Variants in CYFIP1 observed in about 807,000 individuals in gnomAD.
The protein encoded by CYFIP1 is cytoplasmic FMR1-interacting protein 1.
In CYFIP1, 58 loss-of-function variants were observed where a neutral mutation model predicts 163.5. The observed-to-expected ratio is 0.35, with a 90% CI of 0.29 to 0.44. CYFIP1 has a LOEUF of 0.44. Ranked by LOEUF, CYFIP1 falls within the 20% of genes least tolerant of loss-of-function variation. The pLI is 1.00. For missense variants in CYFIP1, 1,338 were observed against 1,653.8 expected (o/e 0.81, Z 3.31); for synonymous variants, 663 against 660.7 (o/e 1.00, Z -0.05).
chr15:22,951,236 TA>T, intron 1 of CYFIP1: 1 of 865,768 alleles, frequency 1.2e-6, no homozygotes, highest in Non-Finnish European at 1.4e-6. Context: ...CCCCGACACG[TA>T]AGGGAACGCC....
intron 8 of CYFIP1, 82 bp downstream of exon 8, chr15:22,939,110 G>A (rs968322405): frequency 2.6e-5 from 41 of 1,554,716 alleles, no homozygotes; most frequent in Middle Eastern, 2.1e-4. Flanking sequence ...CTGTCAAAAG[G>A]ATTCTAGATA....
rs974945194 is a variant in CYFIP1, at chr15:22,957,591, G to A, written c.-6-10300C>T. On this transcript the variant is annotated intron_variant, in intron 1 of 30. Coordinates refer to ENST00000617928, the MANE Select transcript of CYFIP1 (RefSeq NM_014608.6). ...GCGGAGCTTGCAGTGAGCCGAGATC[G>A]TGTCACTGCACTCCAGCCTGGGCGA... Among the ~76,000 whole-genome samples, 21 of 152,172 alleles carry A rather than the reference G, an allele frequency of 1.4e-4. 1 individual carries two copies. Among genetic ancestry groups the A allele is most frequent in the Non-Finnish European group, 2.6e-4 (18 of 68,032 alleles).
intron 13 of CYFIP1, among the ~76,000 whole-genome samples, chr15:22,920,459 C>T (rs2061137741): frequency 6.6e-6 from 1 of 152,100 alleles, no homozygotes; most frequent in Non-Finnish European, 1.5e-5. Flanking sequence ...TTTTGAGTTC[C>T]TCATTATGGC....
At chr15:22,880,780 G>A (rs1289471272) in intron 25 of CYFIP1, among the ~76,000 whole-genome samples, 9 of 152,090 alleles carry the variant, frequency 5.9e-5, no homozygotes, top group Non-Finnish European at 1.0e-4. Flanking sequence ...CCAGCGGCCC[G>A]ACACGGCCCC....
intron 1 of CYFIP1, among the ~76,000 whole-genome samples, chr15:22,949,817 T>C (rs569351409): frequency 5.9e-5 from 9 of 152,016 alleles, no homozygotes; most frequent in South Asian, 2.1e-4. Flanking sequence ...TTAATAAGCA[T>C]GGACTTCGAA....
At chr15:22,888,542 T>G (rs2059984922) in intron 23 of CYFIP1, among the ~76,000 whole-genome samples, 1 of 149,234 alleles carries the variant, frequency 6.7e-6, no homozygotes, top group Non-Finnish European at 1.5e-5. Flanking sequence ...GACCAGCCTG[T>G]GCAACATGGT....
chr15:22,943,057 C>G, intron 6 of CYFIP1, 116 bp downstream of exon 6: 5 of 942,490 alleles, frequency 5.3e-6, no homozygotes, highest in Non-Finnish European at 4.8e-6. Context: ...GACGTAGCTG[C>G]TGCCTACCAG....
chr15:22,958,159 C>T (rs1386275227), intron 1 of CYFIP1, among the ~76,000 whole-genome samples: 2 of 150,412 alleles, frequency 1.3e-5, no homozygotes, highest in Admixed American at 6.6e-5. Context: ...AATCTCGGCT[C>T]ACTGCAACCT....
At chr15:22,901,686 G>A (rs2060398598) in intron 22 of CYFIP1, among the ~76,000 whole-genome samples, 1 of 152,246 alleles carries the variant, frequency 6.6e-6, no homozygotes. Flanking sequence ...CTAACCGGAA[G>A]TTAGGCCAGG....
intron 1 of CYFIP1, among the ~76,000 whole-genome samples, chr15:22,971,708 A>G (rs2063103012): frequency 6.6e-6 from 1 of 151,974 alleles, no homozygotes; most frequent in Non-Finnish European, 1.5e-5. Flanking sequence ...AAAGAAAAGA[A>G]ATAAAATAAA....
intron 22 of CYFIP1, among the ~76,000 whole-genome samples, chr15:22,903,249 G>C (rs1167592257): frequency 6.6e-6 from 1 of 152,166 alleles, no homozygotes; most frequent in Non-Finnish European, 1.5e-5. Flanking sequence ...CCGCCACCCG[G>C]TGTGCGGAGC....
chr15:22,921,775 A>AG (rs1156393490), intron 13 of CYFIP1, among the ~76,000 whole-genome samples: 4 of 129,004 alleles, frequency 3.1e-5, no homozygotes, highest in Non-Finnish European at 6.9e-5. Context: ...AAAAAAAAAA[A>AG]AAAAAAAAAA....
At chr15:22,909,722 T>A (rs1048150103) in intron 20 of CYFIP1, among the ~76,000 whole-genome samples, 1 of 152,200 alleles carries the variant, frequency 6.6e-6, no homozygotes, top group African/African-American at 2.4e-5. Context: ...TTTTAATTTT[T>A]AATTTTTTTT....
At chr15:22,871,327 C>T (rs1010545682) in intron 30 of CYFIP1, among the ~76,000 whole-genome samples, 1 of 152,192 alleles carries the variant, frequency 6.6e-6, no homozygotes, top group African/African-American at 2.4e-5. Context: ...GGAAAAAGTT[C>T]AGTTAAGACA....
intron 26 of CYFIP1, among the ~76,000 whole-genome samples, chr15:22,876,734 G>A (rs1255554789): frequency 6.6e-6 from 1 of 151,998 alleles, no homozygotes; most frequent in African/African-American, 2.4e-5. Flanking sequence ...GGGAGACTGA[G>A]GCAGGAGAAT....
In CYFIP1 at chr15:22,917,196, G is replaced by A. The variant is rs1024994887; in HGVS notation, c.1675-566C>T. The A allele has an allele frequency of 1.0e-4, 143 of 1,422,054 alleles. No individual in the cohort carries two copies. Among genetic ancestry groups the A allele is most frequent in the Non-Finnish European group, 1.2e-4 (126 of 1,095,000 alleles). The allele number at this position is 1,422,054 out of a possible 1,614,324, so 88.1% of individuals were successfully genotyped here. A position where few individuals can be genotyped will look rare whatever the true frequency, so the allele number is the denominator to read the frequency against. On this transcript the variant is annotated intron_variant, in intron 15 of 30. Transcript: ENST00000617928. The surrounding 1 kb of genome is among the most constrained non-coding windows in gnomAD (Gnocchi z 4.2). ...CTGACCCTCCTGCAGAGCCAGCAGC[G>A]TGCATTGCTGGTGACTTTCCAGAAG...
chr15:22,939,556 TTAAAAAAAA>T lies in CYFIP1; in HGVS notation c.570-58_570-50del, dbSNP rs1251065853. The T allele has an allele frequency of 9.7e-4, 400 of 410,796 alleles. 3 individuals carry two copies. The highest frequency in any genetic ancestry group is 7.4e-3 in the African/African-American group (209 of 28,388). The allele number at this position is 410,796 out of a possible 1,614,324, so 25.4% of individuals were successfully genotyped here. A position where few individuals can be genotyped will look rare whatever the true frequency, so the allele number is the denominator to read the frequency against. On this transcript the variant is annotated intron_variant, in intron 6 of 30. Transcript: ENST00000617928. ...CCCAAAATGCACCAACGTGCCACATTTAAAAAAAAAAAAAAAAAAAAAAAAGCCTGGTTC... is the reference window on the plus strand; with the variant it reads ...CCCAAAATGCACCAACGTGCCACATTAAAAAAAAAAAAAAAAGCCTGGTTC...
intron 1 of CYFIP1, among the ~76,000 whole-genome samples, chr15:22,958,452 C>T (rs1036987963): frequency 6.6e-6 from 1 of 152,174 alleles, no homozygotes; most frequent in Non-Finnish European, 1.5e-5. Flanking sequence ...AAAGAACAGC[C>T]TCATCAACAG....
intron 3 of CYFIP1, chr15:22,946,685 T>G: frequency 8.6e-6 from 4 of 464,984 alleles, no homozygotes; most frequent in Non-Finnish European, 1.2e-5. Flanking sequence ...CATTTATAAA[T>G]CTAAATCTCA....
Sources: allele counts gnomAD v4.1 joint callset (sites outside exome capture counted in the v4.1 genomes callset), GRCh38; gene constraint gnomAD v4.1.1; non-coding constraint Gnocchi (gnomAD v3.1); transcripts MANE v1.5; gene names NCBI Gene and HGNC (gene_info 2026-07-23, HGNC 2026-07-21).